The following SCYL2 variants were observed in gnomAD, a reference collection of about 807,000 sequenced individuals.
The protein encoded by SCYL2 is SCY1 like pseudokinase 2, also known as SCY1-like protein 2.
Under a neutral mutation model 100.4 loss-of-function variants are expected in SCYL2, and 36 were observed. The ratio of observed to expected loss-of-function variants is 0.36; its 90% CI spans 0.27 to 0.47. The LOEUF is 0.47. SCYL2 is among the 20% of genes least tolerant of loss of function. SCYL2 has a pLI of 1.00. For missense variants in SCYL2, 902 were observed against 1,083.9 expected (o/e 0.83, Z 2.36); for synonymous variants, 330 against 359.2 (o/e 0.92, Z 0.92).
intron 10 of SCYL2, among the ~76,000 whole-genome samples, chr12:100,320,264 G>A (rs966797501): frequency 4.6e-5 from 7 of 152,044 alleles, no homozygotes; most frequent in African/African-American, 1.7e-4. Flanking sequence ...CTCATCCCGG[G>A]CTGGGTGCGG....
chr12:100,268,263 G>A (rs2096282055), intron 1 of SCYL2, among the ~76,000 whole-genome samples: 1 of 152,182 alleles, frequency 6.6e-6, no homozygotes, highest in Non-Finnish European at 1.5e-5. Context: ...AGTTTTCTAA[G>A]TAGCCTATCT....
chr12:100,325,516 T>C (rs2135925379), intron 11 of SCYL2, among the ~76,000 whole-genome samples: 1 of 152,296 alleles, frequency 6.6e-6, no homozygotes, highest in South Asian at 2.1e-4. Context: ...CAAATAGGAA[T>C]TCCCAAATTG....
chr12:100,328,736 T>C (rs531401833), intron 12 of SCYL2, among the ~76,000 whole-genome samples: 1 of 152,348 alleles, frequency 6.6e-6, no homozygotes, highest in South Asian at 2.1e-4. Flanking sequence ...AATTCAGTTA[T>C]TAAATTTCAA....
chr12:100,281,019 G>GTTTTGTTTGTTTT (rs2096297553), intron 1 of SCYL2, among the ~76,000 whole-genome samples: 1 of 50,466 alleles, frequency 2.0e-5, no homozygotes, highest in African/African-American at 6.9e-5. Flanking sequence ...TACCATCAGT[G>GTTTTGTTTGTTTT]TTTTTTTTTT....
intron 14 of SCYL2, 32 bp from the exon 15 acceptor site, chr12:100,335,593 T>G: frequency 6.8e-7 from 1 of 1,479,770 alleles, no homozygotes. Context: ...CATTTCTTTT[T>G]ATTGTTTTAT....
At chr12:100,316,940 A>C (rs7957514) in intron 9 of SCYL2, among the ~76,000 whole-genome samples, 3,177 of 152,152 alleles carry the variant, frequency 0.021, 101 homozygotes, top group African/African-American at 0.068. Context: ...TGTCTCTTCA[A>C]ACAAATACAA....
intron 9 of SCYL2, 35 bp from the exon 10 acceptor site, chr12:100,317,768 C>T (rs2096350675): frequency 2.6e-6 from 4 of 1,562,360 alleles, no homozygotes; most frequent in Admixed American, 2.2e-5. Context: ...TTAAAGATTC[C>T]AGGTTTTAAT....
chr12:100,293,432 A>G (rs1396593022), intron 3 of SCYL2, among the ~76,000 whole-genome samples: 1 of 151,874 alleles, frequency 6.6e-6, no homozygotes, highest in Admixed American at 6.6e-5. Flanking sequence ...TGTTGGTGCT[A>G]TTTCCTCTGG....
intron 5 of SCYL2, among the ~76,000 whole-genome samples, chr12:100,311,629 G>A (rs1331276232): frequency 1.3e-5 from 2 of 152,100 alleles, no homozygotes; most frequent in Admixed American, 6.6e-5. Flanking sequence ...GTGGGGTATA[G>A]GAATAATACA....
At position 100,328,320 on chromosome 12, in the gene SCYL2, T is replaced by C. The variant is rs146397399; in HGVS notation, c.1643-881T>C. Among the ~76,000 whole-genome samples the C allele has an allele frequency of 2.5e-3, 385 of 152,260 alleles. 1 individual carries two copies. Among genetic ancestry groups the C allele is most frequent in the African/African-American group, 8.9e-3 (368 of 41,554 alleles). On this transcript the variant is annotated intron_variant, in intron 12 of 17. Coordinates refer to ENST00000360820, the MANE Select transcript of SCYL2 (RefSeq NM_017988.6). ...GAGCAGGAGTTTGGCATAGTAGAAA[T>C]TTGAGCCCTGGCTCTAATCCTGGCT...
intron 13 of SCYL2, among the ~76,000 whole-genome samples, chr12:100,332,173 C>T (rs973780157): frequency 2.0e-5 from 3 of 152,172 alleles, no homozygotes; most frequent in African/African-American, 7.2e-5. Flanking sequence ...TGTGGTTATA[C>T]ATGTGAAATG....
At chr12:100,308,689 T>C (rs2096337908) in intron 4 of SCYL2, among the ~76,000 whole-genome samples, 1 of 152,200 alleles carries the variant, frequency 6.6e-6, no homozygotes, top group Admixed American at 6.5e-5. Flanking sequence ...TGTGTAGTCC[T>C]AGAGTGCCTT....
chr12:100,324,640 T>C (rs1348196916), intron 11 of SCYL2, among the ~76,000 whole-genome samples: 2 of 152,192 alleles, frequency 1.3e-5, no homozygotes, highest in Admixed American at 1.3e-4. Context: ...AAGAAATCAT[T>C]ACTGAAACAA....
chr12:100,327,230 A>G, intron 12 of SCYL2: 1 of 363,796 alleles, frequency 2.7e-6, no homozygotes, highest in South Asian at 2.1e-5. Context: ...AAGATCATAT[A>G]AGTGGTAAGT....
intron 3 of SCYL2, among the ~76,000 whole-genome samples, chr12:100,296,571 T>C (rs1246454602): frequency 6.6e-6 from 1 of 152,000 alleles, no homozygotes; most frequent in Admixed American, 6.6e-5. Flanking sequence ...CTGCTAACAC[T>C]GGGGAATACA....
chr12:100,312,297 G>T, intron 5 of SCYL2, 135 bp from the exon 6 acceptor site: 1 of 685,084 alleles, frequency 1.5e-6, no homozygotes, highest in South Asian at 1.7e-5. Context: ...TTGGGAATTT[G>T]GGAATTTTGG....
intron 12 of SCYL2, among the ~76,000 whole-genome samples, chr12:100,327,825 A>G (rs540412955): frequency 3.5e-4 from 53 of 152,250 alleles, no homozygotes; most frequent in African/African-American, 1.2e-3. Flanking sequence ...GAAAAATTAT[A>G]TTATTCATCC....
intron 6 of SCYL2, among the ~76,000 whole-genome samples, chr12:100,312,956 A>C (rs2096343943): frequency 1.4e-5 from 2 of 145,630 alleles, no homozygotes; most frequent in Admixed American, 1.4e-4. Context: ...ACTTCTCCAC[A>C]AAAAAAAAAA....
chr12:100,285,808 T>C (rs927773523), intron 2 of SCYL2, among the ~76,000 whole-genome samples: 11 of 152,208 alleles, frequency 7.2e-5, no homozygotes, highest in African/African-American at 2.7e-4. Flanking sequence ...AACATTGTTA[T>C]GTTCTTTGTT....
Sources: allele counts gnomAD v4.1 joint callset (sites outside exome capture counted in the v4.1 genomes callset), GRCh38; gene constraint gnomAD v4.1.1; transcripts MANE v1.5; gene names NCBI Gene and HGNC (gene_info 2026-07-23, HGNC 2026-07-21).